Variants in EP400 observed in about 807,000 individuals in gnomAD.
EP400 encodes E1A-binding protein p400.
EP400 carries 105 observed loss-of-function variants against 354.1 expected under a neutral mutation model. The observed-to-expected ratio is 0.30, with a 90% confidence interval of 0.25 to 0.35. The LOEUF (loss-of-function observed/expected upper bound fraction) is 0.35, where lower values mean the gene tolerates loss of function less well. Ranked by LOEUF, EP400 falls within the 10% of genes least tolerant of loss-of-function variation. The pLI, the probability that EP400 is intolerant of heterozygous loss-of-function variation, is 1.00. For synonymous variants in EP400, 1,646 were observed against 1,716.9 expected, an observed-to-expected ratio of 0.96 and a Z score of 1.02; for missense variants, 3,280 against 4,121.0, an observed-to-expected ratio of 0.80 and a Z score of 5.59.
chr12:132,053,170 G>T lies in EP400; in HGVS notation c.7419G>T (p.Leu2473=). 1 of 1,614,018 alleles carries T rather than the reference G, an allele frequency of 6.2e-7. No individual in the cohort carries two copies. Among genetic ancestry groups the T allele is most frequent in the Non-Finnish European group, 8.5e-7 (1 of 1,180,008 alleles). The part of the protein sequence containing the change: ...AESGINYDKP[L]PPIQVASLRA... Reference sequence around the variant, plus strand: ...GTGGAATCAACTATGACAAGCCGCTGCCTCCCATCCAGGTGGCATCTCTCC... The same window carrying T: ...GTGGAATCAACTATGACAAGCCGCTTCCTCCCATCCAGGTGGCATCTCTCC... Residue 2473 remains leucine, a synonymous_variant, in exon 42 of 53, where the codon CTG becomes CTT. Transcript: ENST00000389561.
At chr12:131,980,199 C>T (rs1206775690) in intron 3 of EP400, among the ~76,000 whole-genome samples, 2 of 152,180 alleles carry the variant, frequency 1.3e-5, no homozygotes, top group Non-Finnish European at 1.5e-5. Flanking sequence ...GGCTTGGTAC[C>T]TGCCCACTCC....
At chr12:131,963,772 A>G in intron 2 of EP400, 2 of 657,248 alleles carry the variant, frequency 3.0e-6, no homozygotes, top group Non-Finnish European at 5.1e-6. Flanking sequence ...TTTCAACAGT[A>G]AAAAATCTTC....
chr12:131,995,438 A>G (rs1387388034), intron 12 of EP400, among the ~76,000 whole-genome samples: 1 of 151,246 alleles, frequency 6.6e-6, no homozygotes, highest in Non-Finnish European at 1.5e-5. Context: ...AATCCACCAC[A>G]GCTTGACTGA....
chr12:132,055,622 TTGTG>T (rs1232377011), intron 45 of EP400, among the ~76,000 whole-genome samples: 2 of 87,970 alleles, frequency 2.3e-5, no homozygotes, highest in South Asian at 4.3e-4. Context: ...GGTGTAGGGG[TTGTG>T]TGTGTGAGGT....
intron 12 of EP400, among the ~76,000 whole-genome samples, chr12:132,004,494 G>A (rs1305228502): frequency 6.6e-6 from 1 of 151,564 alleles, no homozygotes; most frequent in Non-Finnish European, 1.5e-5. Context: ...TTCTTCATTT[G>A]ATATTTTGTA....
intron 45 of EP400, among the ~76,000 whole-genome samples, chr12:132,058,435 A>G (rs1396850066): frequency 2.7e-5 from 4 of 150,078 alleles, no homozygotes; most frequent in Non-Finnish European, 5.9e-5. Context: ...GCTCACTGCA[A>G]CCTCCGCCTC....
At chr12:131,951,563 T>C (rs762185330) in intron 1 of EP400, among the ~76,000 whole-genome samples, 1 of 152,190 alleles carries the variant, frequency 6.6e-6, no homozygotes, top group South Asian at 2.1e-4. Context: ...TCATTTTCTT[T>C]AGCAGAATAT....
At chr12:132,015,046 A>G (rs1004201425) in intron 19 of EP400, among the ~76,000 whole-genome samples, 4 of 152,042 alleles carry the variant, frequency 2.6e-5, no homozygotes, top group Admixed American at 2.6e-4. Context: ...GAGGGCGTGC[A>G]CTCATGGGCT....
At position 132,071,181 on chromosome 12, in the gene EP400, C is replaced by G. The variant is rs982675635; in HGVS notation, c.9021+1540C>G. On this transcript the variant is annotated intron_variant, in intron 51 of 52. Transcript: ENST00000389561. ...TACTTTGCTTGAAGTTTCTGTTCCT[C>G]TTTGTTACGGTGCTTTTTGTCTTGT... is the stretch of plus-strand genomic sequence containing the variant. Among the ~76,000 whole-genome samples, 25 of 152,016 alleles carry G rather than the reference C, an allele frequency of 1.6e-4. No homozygotes were observed. In the South Asian group the frequency reaches 2.1e-3, roughly 13 times the overall value.
At chr12:132,001,852 A>G (rs754226532) in intron 12 of EP400, among the ~76,000 whole-genome samples, 22 of 152,206 alleles carry the variant, frequency 1.4e-4, no homozygotes, top group Non-Finnish European at 2.5e-4. Flanking sequence ...GGATTATTAT[A>G]ATATTGGAAT....
Position 132,044,203 on chromosome 12 carries a change from A to G in EP400, c.6477A>G (p.Ala2159=), listed in dbSNP as rs1056850632. 6.8e-6 allele frequency: 11 copies of G among 1,614,118 alleles called. No homozygotes were observed. Among genetic ancestry groups the G allele is most frequent in the Non-Finnish European group, 8.5e-6 (10 of 1,180,058 alleles). ...SEDAVMTAVR[A]WEFWNLKTLQ... Reference sequence around the variant, plus strand: ...ACGCAGTGATGACTGCAGTGAGGGCATGGGAGTTCTGGAACCTGAAGACCC... The same window carrying G: ...ACGCAGTGATGACTGCAGTGAGGGCGTGGGAGTTCTGGAACCTGAAGACCC... Residue 2159 remains alanine, a synonymous_variant, in exon 35 of 53, where the codon GCA becomes GCG. Coordinates refer to ENST00000389561, the MANE Select transcript of EP400 (RefSeq NM_015409.5).
intron 1 of EP400, among the ~76,000 whole-genome samples, chr12:131,956,413 A>G (rs1007155923): frequency 6.6e-6 from 1 of 151,944 alleles, no homozygotes; most frequent in Non-Finnish European, 1.5e-5. Flanking sequence ...TGGTTTTATT[A>G]CTTATTTTCC....
chr12:132,069,250 G>A (rs966708734), intron 50 of EP400: 10 of 494,692 alleles, frequency 2.0e-5, no homozygotes, highest in African/African-American at 1.9e-4. Flanking sequence ...GGTGGGGTGG[G>A]CTGCAGGCAA....
chr12:132,032,640 CT>C (rs920798941), intron 30 of EP400, among the ~76,000 whole-genome samples: 1 of 85,708 alleles, frequency 1.2e-5, no homozygotes, highest in Non-Finnish European at 2.5e-5. Flanking sequence ...TTTTTTTTTT[CT>C]TTTTTTTGAG....
At chr12:132,008,129 G>A (rs7315550) in intron 15 of EP400, among the ~76,000 whole-genome samples, 19,088 of 152,116 alleles carry the variant, frequency 0.13, 1,643 homozygotes, top group African/African-American at 0.24. Context: ...TGTATTTTTA[G>A]TAGAGATGGG....
Position 132,043,349 on chromosome 12 carries a change from G to A in EP400, c.6253G>A (p.Ala2085Thr), listed in dbSNP as rs778789727. Residue 2085 changes from alanine (A) to threonine (T), a missense_variant, in exon 33 of 53, where the codon GCA becomes ACA. By Grantham distance (58) the Ala-to-Thr change is moderately conservative. This residue lies in a region of EP400 where 54 missense variants were observed against 41.3 expected (regional missense o/e 1.31). Coordinates refer to ENST00000389561, the MANE Select transcript of EP400 (RefSeq NM_015409.5). ...EYLEEDAQKS[A>T]QEGVLGPHTD... ...TCTGGAGGAGGATGCCCAGAAGTCC[G>A]CACAGGAGGGGGTGCTGGGACCACA... 8.7e-6 allele frequency: 14 copies of A among 1,613,926 alleles called. No homozygotes were observed. The highest frequency in any genetic ancestry group is 3.3e-5 in the Admixed American group (2 of 59,974).
chr12:132,066,671 C>A, intron 48 of EP400, 103 bp from the exon 49 acceptor site: 1 of 1,246,688 alleles, frequency 8.0e-7, no homozygotes, highest in Non-Finnish European at 1.1e-6. Flanking sequence ...CTTTGTTGAT[C>A]TTTGTAAATT....
chr12:132,018,193 T>C lies in EP400; in HGVS notation c.4111-17T>C, dbSNP rs1799649429. On this transcript the variant is annotated splice_polypyrimidine_tract_variant and intron_variant, in intron 20 of 52. Coordinates refer to ENST00000389561, the MANE Select transcript of EP400 (RefSeq NM_015409.5). This position sits in a 1 kb window ranked among gnomAD's most constrained non-coding sequence, Gnocchi z 4.0. ...TGCCTCTTCATGCAGCAAGACTTTT[T>C]TTCTTTTTCTCTCTAGGAAGCAGAT... The C allele has an allele frequency of 3.1e-6, 5 of 1,605,570 alleles. No individual in the cohort carries two copies. Among genetic ancestry groups the C allele is most frequent in the Non-Finnish European group, 4.2e-6 (5 of 1,178,076 alleles).
At chr12:132,064,453 G>A (rs914661113) in intron 47 of EP400, among the ~76,000 whole-genome samples, 2 of 152,320 alleles carry the variant, frequency 1.3e-5, no homozygotes, top group African/African-American at 2.4e-5. Flanking sequence ...GTCAGAATCC[G>A]TGTTTGTAGT....
Sources: gnomAD v4.1 joint callset for allele counts (sites outside exome capture counted in the v4.1 genomes callset) on GRCh38, gnomAD v4.1.1 for gene constraint, gnomAD v4.1.1 regional missense constraint, Gnocchi (gnomAD v3.1) non-coding constraint, MANE v1.5 for transcripts, NCBI Gene and HGNC (gene_info 2026-07-23, HGNC 2026-07-21) for gene names.